Variants in EXOC4 observed in about 807,000 individuals in gnomAD.
The protein encoded by EXOC4 is SEC8-like 1.
A neutral mutation model predicts 107.2 loss-of-function variants in EXOC4; 71 were observed. That is an observed-to-expected ratio of 0.66 (90% CI 0.55 to 0.81). The LOEUF (loss-of-function observed/expected upper bound fraction) is 0.81, where lower values mean the gene tolerates loss of function less well. Ranked by LOEUF, EXOC4 falls within the 30% of genes least tolerant of loss-of-function variation. The pLI is 0.00. For synonymous variants in EXOC4, 456 were observed against 441.2 expected, an observed-to-expected ratio of 1.03 and a Z score of -0.42; for missense variants, 1,108 against 1,189.6, an observed-to-expected ratio of 0.93 and a Z score of 1.01.
intron 11 of EXOC4, among the ~76,000 whole-genome samples, chr7:133,847,181 T>C (rs1798143617): frequency 6.6e-6 from 1 of 152,134 alleles, no homozygotes. Flanking sequence ...CTGGCTATTT[T>C]GCCATATATA....
At chr7:133,807,432 C>G (rs1354960140) in intron 10 of EXOC4, among the ~76,000 whole-genome samples, 1 of 152,144 alleles carries the variant, frequency 6.6e-6, no homozygotes, top group Non-Finnish European at 1.5e-5. Flanking sequence ...TTGCCAGATT[C>G]TCCTGTGTCT....
intron 10 of EXOC4, among the ~76,000 whole-genome samples, chr7:133,780,098 T>C (rs965336634): frequency 1.3e-5 from 2 of 152,130 alleles, no homozygotes; most frequent in African/African-American, 4.8e-5. Context: ...GGTTAGATGC[T>C]GGAGGGATTT....
chr7:133,566,580 G>T (rs1800910468), intron 9 of EXOC4, among the ~76,000 whole-genome samples: 1 of 152,060 alleles, frequency 6.6e-6, no homozygotes, highest in Non-Finnish European at 1.5e-5. Context: ...TTGTTTTTGT[G>T]ACTAAGAAAC....
intron 17 of EXOC4, among the ~76,000 whole-genome samples, chr7:134,028,067 C>G (rs1795183249): frequency 1.3e-5 from 2 of 152,320 alleles, no homozygotes; most frequent in Admixed American, 6.5e-5. Flanking sequence ...ATAGGCAACC[C>G]AGGAAGATGA....
chr7:134,055,647 G>A (rs530793935), intron 17 of EXOC4, among the ~76,000 whole-genome samples: 18 of 152,262 alleles, frequency 1.2e-4, no homozygotes, highest in African/African-American at 2.4e-4. Flanking sequence ...AACCCTGGTC[G>A]TCATTTGGAG....
At chr7:133,785,253 A>G (rs1279222464) in intron 10 of EXOC4, among the ~76,000 whole-genome samples, 1 of 151,036 alleles carries the variant, frequency 6.6e-6, no homozygotes, top group Non-Finnish European at 1.5e-5. Context: ...TTAAAGCACT[A>G]TTAATTTTTC....
At chr7:133,395,829 AC>A (rs1288356036) in intron 7 of EXOC4, among the ~76,000 whole-genome samples, 1 of 152,066 alleles carries the variant, frequency 6.6e-6, no homozygotes, top group Non-Finnish European at 1.5e-5. Flanking sequence ...AGGGAAGACA[AC>A]CAAAATTTTC....
At chr7:133,453,944 TAAAG>T (rs770714495) in intron 7 of EXOC4, among the ~76,000 whole-genome samples, 16 of 152,286 alleles carry the variant, frequency 1.1e-4, no homozygotes, top group African/African-American at 1.4e-4. Context: ...ATACAAGAGA[TAAAG>T]AAGAAGTGTA....
intron 10 of EXOC4, among the ~76,000 whole-genome samples, chr7:133,679,400 C>T (rs1463773365): frequency 1.3e-5 from 2 of 152,042 alleles, no homozygotes; most frequent in African/African-American, 4.8e-5. Flanking sequence ...GATAAATTAC[C>T]TCCTCCCTCC....
chr7:133,291,075 G>C (rs1315622506), intron 3 of EXOC4: 2 of 152,014 alleles, frequency 1.3e-5, no homozygotes, highest in Non-Finnish European at 2.9e-5. Flanking sequence ...TTAGGAGCTA[G>C]ATTGAGCCAG....
At chr7:133,537,955 T>C (rs2150928016) in intron 9 of EXOC4, among the ~76,000 whole-genome samples, 1 of 152,342 alleles carries the variant, frequency 6.6e-6, no homozygotes, top group Non-Finnish European at 1.5e-5. Flanking sequence ...AATAAATGTT[T>C]CCTTTCTTTA....
intron 17 of EXOC4, among the ~76,000 whole-genome samples, chr7:134,043,983 C>T (rs779600432): frequency 6.6e-6 from 1 of 152,136 alleles, no homozygotes; most frequent in East Asian, 1.9e-4. Context: ...CTGGCCTGAT[C>T]GGTGATGGAG....
At chr7:133,355,499 G>C (rs1246385570) in intron 5 of EXOC4, among the ~76,000 whole-genome samples, 1 of 152,040 alleles carries the variant, frequency 6.6e-6, no homozygotes, top group African/African-American at 2.4e-5. Context: ...AAGGCCTGTG[G>C]CTTTCAGTAG....
chr7:133,255,719 C>T (rs1336810749), intron 1 of EXOC4, among the ~76,000 whole-genome samples: 1 of 152,138 alleles, frequency 6.6e-6, no homozygotes, highest in Non-Finnish European at 1.5e-5. Flanking sequence ...CTATAACTTC[C>T]TGTTATTTCC....
At chr7:133,956,671 A>G (rs1800826729) in intron 14 of EXOC4, among the ~76,000 whole-genome samples, 2 of 152,186 alleles carry the variant, frequency 1.3e-5, no homozygotes, top group Non-Finnish European at 2.9e-5. Flanking sequence ...CAGCTCCAAG[A>G]AGGCAAAGAC....
intron 11 of EXOC4, among the ~76,000 whole-genome samples, chr7:133,855,101 A>C (rs370738874): frequency 1.0e-3 from 73 of 71,930 alleles, no homozygotes; most frequent in South Asian, 3.0e-3. Context: ...AAATATATAT[A>C]TAAATATATA....
intron 9 of EXOC4, among the ~76,000 whole-genome samples, chr7:133,561,845 T>C (rs889753638): frequency 3.3e-5 from 5 of 152,262 alleles, no homozygotes; most frequent in Non-Finnish European, 7.3e-5. Flanking sequence ...TGTTCAGGGC[T>C]AGTGCCCGCT....
At chr7:133,476,877 C>G (rs2150851784) in intron 8 of EXOC4, among the ~76,000 whole-genome samples, 1 of 152,310 alleles carries the variant, frequency 6.6e-6, no homozygotes, top group Non-Finnish European at 1.5e-5. Context: ...GCATTGCCAT[C>G]CTCAACACAT....
chr7:133,371,446 T>C (rs1283569635), intron 6 of EXOC4, among the ~76,000 whole-genome samples: 1 of 152,136 alleles, frequency 6.6e-6, no homozygotes, highest in Non-Finnish European at 1.5e-5. Context: ...TGTGTCTCTA[T>C]AAATTTGCCT....
Sources: allele counts gnomAD v4.1 joint callset (sites outside exome capture counted in the v4.1 genomes callset), GRCh38; gene constraint gnomAD v4.1.1; transcripts MANE v1.5; gene names NCBI Gene and HGNC (gene_info 2026-07-23, HGNC 2026-07-21).